The following XRCC4 variants were observed in gnomAD, a reference collection of about 807,000 sequenced individuals.
XRCC4 encodes DNA repair protein XRCC4.
In XRCC4, 28 loss-of-function variants were observed where a neutral mutation model predicts 39.1. That is an observed-to-expected ratio of 0.72 (90% CI 0.53 to 0.98). The LOEUF (loss-of-function observed/expected upper bound fraction) is 0.98. XRCC4 is among the 50% of genes least tolerant of loss of function. The pLI, the probability that XRCC4 is intolerant of heterozygous loss-of-function variation, is 0.00. For synonymous variants in XRCC4, 123 were observed against 126.4 expected, an observed-to-expected ratio of 0.97 and a Z score of 0.18; for missense variants, 350 against 376.4, an observed-to-expected ratio of 0.93 and a Z score of 0.58.
chr5:83,303,646 C>T (rs1404159857), intron 7 of XRCC4, among the ~76,000 whole-genome samples: 1 of 152,106 alleles, frequency 6.6e-6, no homozygotes, highest in Non-Finnish European at 1.5e-5. Context: ...GCCTCTATAA[C>T]TTCCAAAACT....
intron 1 of XRCC4, among the ~76,000 whole-genome samples, chr5:83,083,273 G>GCT (rs1219532965): frequency 6.6e-6 from 1 of 151,430 alleles, no homozygotes; most frequent in Non-Finnish European, 1.5e-5. Context: ...TATCTGTTTT[G>GCT]TTGTCTTATG....
intron 4 of XRCC4, among the ~76,000 whole-genome samples, chr5:83,198,779 A>G (rs1230512265): frequency 6.6e-6 from 1 of 152,168 alleles, no homozygotes; most frequent in African/African-American, 2.4e-5. Context: ...ATTTGCTGTT[A>G]TTTTTAATTA....
rs186154448 is a variant in XRCC4 at position 83,119,791 on chromosome 5, G to A, written c.315+8588G>A. Among the ~76,000 whole-genome samples, 129 of 152,150 alleles carry A rather than the reference G, an allele frequency of 8.5e-4. No individual in the cohort carries two copies. In the Middle Eastern group the frequency reaches 0.01, roughly 12 times the overall value. ...GTTCAAGACCAGCCTGGACAATATA[G>A]TGGGACCCTTCTCTCTACCAAAAAG... On this transcript the variant is annotated intron_variant, in intron 3 of 7. Coordinates refer to ENST00000396027, the MANE Select transcript of XRCC4 (RefSeq NM_003401.5).
intron 1 of XRCC4, among the ~76,000 whole-genome samples, chr5:83,084,411 T>G (rs1037920035): frequency 2.6e-5 from 4 of 152,216 alleles, no homozygotes; most frequent in Admixed American, 2.6e-4. Flanking sequence ...GACAGCAAAT[T>G]TTTAATGTTG....
At chr5:83,104,475 A>G (rs1236117236) in intron 1 of XRCC4, among the ~76,000 whole-genome samples, 1 of 152,016 alleles carries the variant, frequency 6.6e-6, no homozygotes, top group Non-Finnish European at 1.5e-5. Flanking sequence ...TATTGTTGAG[A>G]TGATAATTTT....
At chr5:83,207,771 A>C (rs888776049) in intron 6 of XRCC4, among the ~76,000 whole-genome samples, 27 of 152,038 alleles carry the variant, frequency 1.8e-4, no homozygotes, top group African/African-American at 6.5e-4. Flanking sequence ...CATGAGAGAT[A>C]ATTCTGTTGA....
In XRCC4 at chr5:83,290,864, G is replaced by C. The variant is rs1494553; in HGVS notation, c.893+32187G>C. ...GCAGGTAAAGACTTACTCTTCCTTA[G>C]GCATTATAATGTGCCTTTATTGCAG... On this transcript the variant is annotated intron_variant, in intron 7 of 7. Transcript: ENST00000396027. Among the ~76,000 whole-genome samples the C allele has an allele frequency of 7.8e-4, 118 of 151,840 alleles. No homozygotes were observed. In the South Asian group the frequency reaches 8.1e-3, roughly 10 times the overall value.
intron 3 of XRCC4, among the ~76,000 whole-genome samples, chr5:83,124,921 C>T (rs1218133896): frequency 2.0e-5 from 3 of 152,190 alleles, no homozygotes; most frequent in Non-Finnish European, 4.4e-5. Context: ...GCAAGTGCTA[C>T]ATTGTTTTCC....
At chr5:83,332,096 C>A (rs1045295468) in intron 7 of XRCC4, among the ~76,000 whole-genome samples, 24 of 152,144 alleles carry the variant, frequency 1.6e-4, no homozygotes, top group African/African-American at 5.3e-4. Context: ...TCTGTGGTGA[C>A]TGACATCTGT....
Position 83,353,185 on chromosome 5 carries a change from CAT to C in XRCC4, c.949_950del (p.Met317ValfsTer15). The C allele has an allele frequency of 6.2e-7, 1 of 1,612,516 alleles. No individual in the cohort carries two copies. Among genetic ancestry groups the C allele is most frequent in the South Asian group, 1.1e-5 (1 of 90,948 alleles). The stretch of plus-strand genomic sequence containing the variant: ...AAAAGGAGCACATCTCAGCTGAAAA[CAT>C]GTCTTTAGAAACTCTGAGAAACAGC... ...SKKEHISAENMSLETLRNSSP... is the reference protein window; with the variant it reads ...SKKEHISAENXSLETLRNSSP... On this transcript the variant is annotated frameshift_variant, in exon 8 of 8. Coordinates refer to ENST00000396027, the MANE Select transcript of XRCC4 (RefSeq NM_003401.5). LOFTEE classifies it high-confidence loss of function.
chr5:83,314,277 C>G (rs2112105475), intron 7 of XRCC4, among the ~76,000 whole-genome samples: 1 of 152,184 alleles, frequency 6.6e-6, no homozygotes, highest in Middle Eastern at 3.4e-3. Flanking sequence ...TGATAATTAT[C>G]CTTTAACTTG....
intron 3 of XRCC4, among the ~76,000 whole-genome samples, chr5:83,192,240 T>C (rs555406856): frequency 1.6e-5 from 2 of 127,418 alleles, no homozygotes; most frequent in African/African-American, 2.7e-5. Flanking sequence ...TGTATGTATA[T>C]GTACATATTA....
At chr5:83,129,659 G>A (rs1747462897) in intron 3 of XRCC4, among the ~76,000 whole-genome samples, 1 of 151,964 alleles carries the variant, frequency 6.6e-6, no homozygotes, top group African/African-American at 2.4e-5. Flanking sequence ...CATTGAGCGT[G>A]GTTTGTAGTT....
chr5:83,258,847 A>C (rs1214744035), intron 7 of XRCC4, 170 bp downstream of exon 7: 4 of 874,704 alleles, frequency 4.6e-6, no homozygotes, highest in Non-Finnish European at 6.6e-6. Flanking sequence ...TATTTGGTTA[A>C]TTTCTATTAA....
intron 1 of XRCC4, among the ~76,000 whole-genome samples, chr5:83,079,797 G>A (rs1230506190): frequency 6.6e-6 from 1 of 152,130 alleles, no homozygotes; most frequent in Non-Finnish European, 1.5e-5. Context: ...GCCTCCCAAA[G>A]TGCTGGGATT....
intron 1 of XRCC4, among the ~76,000 whole-genome samples, chr5:83,078,016 CTG>C (rs1225131997): frequency 2.0e-5 from 3 of 152,124 alleles, no homozygotes; most frequent in Non-Finnish European, 4.4e-5. Flanking sequence ...TATTGGTAAA[CTG>C]TGGGTTCCAA....
chr5:83,224,594 A>C (rs1752217789), intron 6 of XRCC4, among the ~76,000 whole-genome samples: 1 of 152,128 alleles, frequency 6.6e-6, no homozygotes. Context: ...AGTGTACTTA[A>C]TTTTACCAAT....
Position 83,325,225 on chromosome 5 carries a change from A to T in XRCC4, c.894-27906A>T, listed in dbSNP as rs563683557. Among the ~76,000 whole-genome samples, 33 of 152,156 alleles carry T rather than the reference A, an allele frequency of 2.2e-4. 1 individual carries two copies. The highest frequency in any genetic ancestry group is 7.9e-4 in the African/African-American group (33 of 41,526). On this transcript the variant is annotated intron_variant, in intron 7 of 7. Transcript: ENST00000396027. Reference sequence around the variant, plus strand: ...TTTCAGCCAGATTCTCTTACTACTTATAGGCAATTTTCTTCCAAATTTCAT... The same window carrying T: ...TTTCAGCCAGATTCTCTTACTACTTTTAGGCAATTTTCTTCCAAATTTCAT...
At chr5:83,125,749 G>A (rs997128130) in intron 3 of XRCC4, among the ~76,000 whole-genome samples, 29 of 152,130 alleles carry the variant, frequency 1.9e-4, no homozygotes, top group African/African-American at 6.8e-4. Flanking sequence ...CCAACAGGCC[G>A]AGGCGGGTGG....
Sources: gnomAD v4.1 joint callset for allele counts (sites outside exome capture counted in the v4.1 genomes callset) on GRCh38, gnomAD v4.1.1 for gene constraint, MANE v1.5 for transcripts, NCBI Gene and HGNC (gene_info 2026-07-23, HGNC 2026-07-21) for gene names.